Variants in SRGAP2 observed in about 807,000 individuals in gnomAD.
SRGAP2 encodes the protein SLIT-ROBO Rho GTPase activating protein 2.
SRGAP2 carries 15 observed loss-of-function variants against 57.2 expected under a neutral mutation model. The observed-to-expected ratio is 0.26, with a 90% CI of 0.18 to 0.40. The LOEUF (loss-of-function observed/expected upper bound fraction) is 0.40, where lower values mean the gene tolerates loss of function less well. Among genes scored for constraint, SRGAP2 ranks in the 10% least tolerant of loss-of-function variants. SRGAP2 has a pLI of 1.00. For synonymous variants in SRGAP2, 249 were observed against 248.0 expected (o/e 1.00, Z -0.04); for missense variants, 520 against 669.6 (o/e 0.78, Z 2.47).
At chr1:206,458,182 A>G (rs570686626) in intron 21 of SRGAP2, among the ~76,000 whole-genome samples, 233 of 152,326 alleles carry the variant, frequency 1.5e-3, no homozygotes, top group African/African-American at 5.5e-3. Context: ...TTTTGGAAAA[A>G]GAGTCATGCT....
At chr1:206,401,900 G>C (rs1462019570) in intron 8 of SRGAP2, among the ~76,000 whole-genome samples, 7 of 152,108 alleles carry the variant, frequency 4.6e-5, no homozygotes, top group Non-Finnish European at 1.0e-4. Flanking sequence ...GCTAAGGCTT[G>C]AGGAGGGTTC....
chr1:206,212,134 A>G (rs530233671), intron 2 of SRGAP2, among the ~76,000 whole-genome samples: 4 of 152,158 alleles, frequency 2.6e-5, no homozygotes, highest in Non-Finnish European at 5.9e-5. Context: ...CCTATTTTGA[A>G]TAATGCTGCT....
chr1:206,435,747 A>C (rs1443361710), intron 14 of SRGAP2, among the ~76,000 whole-genome samples: 2 of 152,242 alleles, frequency 1.3e-5, no homozygotes, highest in Non-Finnish European at 2.9e-5. Context: ...CCTCATCCAG[A>C]GAATGAGATT....
At chr1:206,267,079 C>T (rs1261878342) in intron 2 of SRGAP2, among the ~76,000 whole-genome samples, 4 of 150,664 alleles carry the variant, frequency 2.7e-5, no homozygotes, top group African/African-American at 7.3e-5. Context: ...CACCATTCTC[C>T]TGCCTCAGCC....
At chr1:206,290,850 T>C (rs1408767419) in intron 2 of SRGAP2, among the ~76,000 whole-genome samples, 1 of 151,900 alleles carries the variant, frequency 6.6e-6, no homozygotes, top group African/African-American at 2.4e-5. Flanking sequence ...TAGTAGGTGG[T>C]GGAGCTGGCA....
intron 3 of SRGAP2, among the ~76,000 whole-genome samples, chr1:206,307,074 C>T (rs1372120694): frequency 6.6e-6 from 1 of 150,544 alleles, no homozygotes; most frequent in Non-Finnish European, 1.5e-5. Context: ...AAAGGTTCTC[C>T]ATGTCCTCAC....
At chr1:206,459,940 T>C (rs1315391757) in intron 22 of SRGAP2, among the ~76,000 whole-genome samples, 2 of 152,160 alleles carry the variant, frequency 1.3e-5, no homozygotes, top group Non-Finnish European at 2.9e-5. Flanking sequence ...CCCAGCTCCC[T>C]CCTTGGCCAG....
chr1:206,428,785 C>T (rs1324210672), intron 13 of SRGAP2, among the ~76,000 whole-genome samples: 5 of 152,166 alleles, frequency 3.3e-5, no homozygotes, highest in African/African-American at 7.2e-5. Flanking sequence ...ACCTCAGCCT[C>T]GCAAGTAGCT....
intron 22 of SRGAP2, among the ~76,000 whole-genome samples, chr1:206,460,495 A>C (rs1553380100): frequency 6.6e-6 from 1 of 151,622 alleles, no homozygotes; most frequent in African/African-American, 2.4e-5. Context: ...GGGCGGGGGG[A>C]GGCGTATTGG....
At chr1:206,347,612 G>T (rs1459987329) in intron 4 of SRGAP2, among the ~76,000 whole-genome samples, 2 of 150,680 alleles carry the variant, frequency 1.3e-5, no homozygotes, top group Non-Finnish European at 2.9e-5. Flanking sequence ...TAAGAAAAAT[G>T]AAATGAAGCT....
At chr1:206,230,404 G>A (rs1339836668) in intron 2 of SRGAP2, among the ~76,000 whole-genome samples, 104 of 144,268 alleles carry the variant, frequency 7.2e-4, no homozygotes, top group Admixed American at 9.8e-4. Context: ...TTTCTTGTGA[G>A]TACTGGCATG....
At chr1:206,259,496 C>T (rs1553313098) in intron 2 of SRGAP2, among the ~76,000 whole-genome samples, 1 of 151,802 alleles carries the variant, frequency 6.6e-6, no homozygotes, top group Admixed American at 6.6e-5. Context: ...GCCACCAAGC[C>T]CAGCTAATTT....
chr1:206,249,866 G>A (rs1369034181), intron 2 of SRGAP2, among the ~76,000 whole-genome samples: 4 of 146,858 alleles, frequency 2.7e-5, no homozygotes, highest in Non-Finnish European at 4.5e-5. Context: ...TCACTAAAAC[G>A]TAAGCTCCAT....
At chr1:206,435,979 G>A (rs1254949392) in intron 14 of SRGAP2, among the ~76,000 whole-genome samples, 1 of 152,150 alleles carries the variant, frequency 6.6e-6, no homozygotes, top group Non-Finnish European at 1.5e-5. Context: ...CTAGCACAAT[G>A]TCTGGCAATA....
chr1:206,260,775 T>C (rs1669503091), intron 2 of SRGAP2, among the ~76,000 whole-genome samples: 1 of 152,256 alleles, frequency 6.6e-6, no homozygotes, highest in Non-Finnish European at 1.5e-5. Context: ...TATTTGCTAT[T>C]ACAAGCAATA....
At chr1:206,441,130 A>G (rs1282956606) in intron 17 of SRGAP2, among the ~76,000 whole-genome samples, 1 of 152,206 alleles carries the variant, frequency 6.6e-6, no homozygotes, top group Admixed American at 6.5e-5. Context: ...TAGGGTGGTC[A>G]TTTATGGAGT....
intron 13 of SRGAP2, among the ~76,000 whole-genome samples, chr1:206,422,280 A>T (rs1358875214): frequency 2.0e-5 from 3 of 152,204 alleles, no homozygotes; most frequent in Non-Finnish European, 4.4e-5. Flanking sequence ...AACTTGGATG[A>T]TACAGGCCTC....
intron 11 of SRGAP2, among the ~76,000 whole-genome samples, chr1:206,418,917 TGTGTGTGTG>T (rs1660028752): frequency 1.3e-5 from 2 of 151,874 alleles, no homozygotes; most frequent in Non-Finnish European, 2.9e-5. Context: ...TGTGTGTGTG[TGTGTGTGTG>T]TGTGTGTGTG....
At chr1:206,448,634 CTG>C (rs1326809728) in intron 18 of SRGAP2, among the ~76,000 whole-genome samples, 1 of 152,110 alleles carries the variant, frequency 6.6e-6, no homozygotes, top group Non-Finnish European at 1.5e-5. Context: ...AGATGGGGCG[CTG>C]TTTTTTAACA....
Sources: gnomAD v4.1 joint callset for allele counts (sites outside exome capture counted in the v4.1 genomes callset) on GRCh38, gnomAD v4.1.1 for gene constraint, MANE v1.5 for transcripts, NCBI Gene and HGNC (gene_info 2026-07-23, HGNC 2026-07-21) for gene names.